The following MRPS28 variants were observed in gnomAD, a reference collection of about 807,000 sequenced individuals.
The protein encoded by MRPS28 is mitochondrial ribosomal protein S28.
MRPS28 carries 7 observed loss-of-function variants against 10.8 expected under a neutral mutation model. The observed-to-expected ratio is 0.65, with a 90% CI of 0.37 to 1.22. MRPS28 has a LOEUF of 1.22. Among genes scored for constraint, MRPS28 ranks in the 50% most tolerant of loss-of-function variants. MRPS28 has a pLI of 0.02. For missense variants in MRPS28, 265 were observed against 232.9 expected, an observed-to-expected ratio of 1.14 and a Z score of -0.90; for synonymous variants, 121 against 93.3, an observed-to-expected ratio of 1.30 and a Z score of -1.71.
At chr8:79,974,370 C>G (rs190323096) in intron 2 of MRPS28, among the ~76,000 whole-genome samples, 102 of 152,048 alleles carry the variant, frequency 6.7e-4, no homozygotes, top group Non-Finnish European at 5.7e-4. Context: ...GACCCCTTGT[C>G]TCTACTAAAA....
chr8:79,933,808 C>T (rs1259195507), intron 2 of MRPS28, among the ~76,000 whole-genome samples: 3 of 152,186 alleles, frequency 2.0e-5, no homozygotes, highest in African/African-American at 4.8e-5. Context: ...CAAGAAAATT[C>T]AGACCCACCC....
At chr8:79,922,698 T>C (rs1358069122) in intron 2 of MRPS28, among the ~76,000 whole-genome samples, 2 of 152,120 alleles carry the variant, frequency 1.3e-5, no homozygotes, top group Non-Finnish European at 2.9e-5. Flanking sequence ...TAATACCAAA[T>C]GAAAACTGAT....
intron 2 of MRPS28, among the ~76,000 whole-genome samples, chr8:79,941,228 C>T (rs1260850701): frequency 1.3e-5 from 2 of 152,196 alleles, no homozygotes; most frequent in African/African-American, 2.4e-5. Context: ...AAAGGTGAGA[C>T]ATATAATCAT....
At chr8:79,992,787 T>C (rs1808402315) in intron 2 of MRPS28, among the ~76,000 whole-genome samples, 1 of 152,178 alleles carries the variant, frequency 6.6e-6, no homozygotes, top group Non-Finnish European at 1.5e-5. Context: ...TGCATACTTA[T>C]TAGCTGCTGT....
chr8:79,956,891 A>T (rs1420933465), intron 2 of MRPS28: 3 of 152,114 alleles, frequency 2.0e-5, no homozygotes, highest in Admixed American at 6.6e-5. Flanking sequence ...TAATGAGATT[A>T]ATTAACACAT....
Position 79,918,993 on chromosome 8 carries a change from T to C in MRPS28, c.551A>G (p.His184Arg), listed in dbSNP as rs776268206. The C allele has an allele frequency of 6.4e-7, 1 of 1,554,422 alleles. No homozygotes were observed. The highest frequency in any genetic ancestry group is 1.3e-5 in the South Asian group (1 of 79,412). The change falls in exon 3 of 3, where the codon CAT (histidine) becomes CGT (arginine). Residue 184 changes from histidine to arginine, a missense_variant. Coordinates refer to ENST00000276585, the MANE Select transcript of MRPS28 (RefSeq NM_014018.3). ...AGCAAAGTTCATTTATTTTTCATGA[T>C]GTTCTTCTTTCGATCTTGAGTCTTT... is the stretch of plus-strand genomic sequence containing the variant. The part of the protein sequence containing the change: ...ESKDSRSKEE[H>R]HEK
intron 2 of MRPS28, among the ~76,000 whole-genome samples, chr8:79,985,685 A>G (rs1242358812): frequency 6.6e-5 from 10 of 152,242 alleles, no homozygotes; most frequent in Non-Finnish European, 2.9e-5. Flanking sequence ...GAAGAAATGG[A>G]TAAATTCCTC....
Position 79,951,207 on chromosome 8 carries a change from C to T in MRPS28, c.396-32059G>A, listed in dbSNP as rs150176812. ...TAAGTGAAGTAGGACGGGACAATGG[C>T]GCATGCACCCAGGGCTTGTTAGTCT... On this transcript the variant is annotated intron_variant, in intron 2 of 2. Coordinates refer to ENST00000276585, the MANE Select transcript of MRPS28 (RefSeq NM_014018.3). 8.6e-3 allele frequency among the ~76,000 whole-genome samples: 1,310 copies of T among 152,252 alleles called. 26 individuals carry two copies. The highest frequency in any genetic ancestry group is 0.03 in the African/African-American group (1,247 of 41,528).
chr8:80,011,141 A>ATT (rs1491477017), intron 1 of MRPS28, among the ~76,000 whole-genome samples: 6 of 148,186 alleles, frequency 4.0e-5, no homozygotes, highest in African/African-American at 1.5e-4. Context: ...TTTTATTTTT[A>ATT]TTTTTTTTTG....
chr8:80,018,558 C>T (rs2130230174), intron 1 of MRPS28, among the ~76,000 whole-genome samples: 1 of 152,232 alleles, frequency 6.6e-6, no homozygotes, highest in Middle Eastern at 3.4e-3. Context: ...AGTACAACCA[C>T]TCTGAAAAAC....
chr8:79,937,963 G>T (rs1180687506), intron 2 of MRPS28, among the ~76,000 whole-genome samples: 1 of 152,194 alleles, frequency 6.6e-6, no homozygotes, highest in Non-Finnish European at 1.5e-5. Flanking sequence ...GAGAGTTCAT[G>T]TTGTATTTTT....
chr8:80,008,313 A>G (rs1389929407), intron 1 of MRPS28, among the ~76,000 whole-genome samples: 2 of 152,260 alleles, frequency 1.3e-5, no homozygotes, highest in Non-Finnish European at 2.9e-5. Flanking sequence ...CTAAAACCAT[A>G]AAAACCCTAG....
chr8:80,009,184 C>A (rs544284871), intron 1 of MRPS28, among the ~76,000 whole-genome samples: 120 of 152,208 alleles, frequency 7.9e-4, no homozygotes, highest in African/African-American at 2.5e-3. Flanking sequence ...GACAAAAAAA[C>A]CAAACACCTC....
At chr8:80,029,910 C>T (rs1364856546) in intron 1 of MRPS28, 126 bp downstream of exon 1, 1 of 1,536,050 alleles carries the variant, frequency 6.5e-7, no homozygotes, top group Non-Finnish European at 8.7e-7. Context: ...CGCACCGCAA[C>T]TCCGGAAAAC....
At chr8:79,924,356 A>G (rs988768115) in intron 2 of MRPS28, among the ~76,000 whole-genome samples, 2 of 152,142 alleles carry the variant, frequency 1.3e-5, no homozygotes, top group Non-Finnish European at 2.9e-5. Context: ...ATTAACATCA[A>G]TTTGTTTATT....
intron 2 of MRPS28, among the ~76,000 whole-genome samples, chr8:79,981,230 T>C (rs2130077140): frequency 6.6e-6 from 1 of 152,252 alleles, no homozygotes; most frequent in South Asian, 2.1e-4. Context: ...CTTGCAGGGC[T>C]GAGGTGGGTG....
At chr8:79,965,007 T>G (rs1255099554) in intron 2 of MRPS28, among the ~76,000 whole-genome samples, 1 of 152,136 alleles carries the variant, frequency 6.6e-6, no homozygotes, top group Non-Finnish European at 1.5e-5. Flanking sequence ...AGTAGATGAA[T>G]TCAAGCTTTA....
chr8:80,022,129 C>G (rs774646111), intron 1 of MRPS28, among the ~76,000 whole-genome samples: 1 of 152,158 alleles, frequency 6.6e-6, no homozygotes, highest in Non-Finnish European at 1.5e-5. Flanking sequence ...TAAGCACTGA[C>G]CTGTTCTCCA....
chr8:79,979,519 T>C (rs1807894386), intron 2 of MRPS28, among the ~76,000 whole-genome samples: 2 of 152,194 alleles, frequency 1.3e-5, no homozygotes, highest in African/African-American at 4.8e-5. Flanking sequence ...AAGAAATTTT[T>C]TTACTTATTT....
Sources: gnomAD v4.1 joint callset for allele counts (sites outside exome capture counted in the v4.1 genomes callset) on GRCh38, gnomAD v4.1.1 for gene constraint, MANE v1.5 for transcripts, NCBI Gene and HGNC (gene_info 2026-07-23, HGNC 2026-07-21) for gene names.